NOVA1: variants seen among roughly 807,000 people sequenced by gnomAD.
The protein encoded by NOVA1 is NOVA alternative splicing regulator 1.
A neutral mutation model predicts 38.0 loss-of-function variants in NOVA1; 7 were observed. That is an observed-to-expected ratio of 0.18 (90% confidence interval 0.10 to 0.35). NOVA1 has a LOEUF of 0.35. Ranked by LOEUF, NOVA1 falls within the 10% of genes least tolerant of loss-of-function variation. The probability of loss-of-function intolerance (pLI) is 1.00; values close to 1 mark genes in which losing one functional copy is unlikely to be tolerated. For missense variants in NOVA1, 460 were observed against 616.0 expected, an observed-to-expected ratio of 0.75 and a Z score of 2.68; for synonymous variants, 270 against 232.5, an observed-to-expected ratio of 1.16 and a Z score of -1.47.
At chr14:26,593,054 T>C (rs1893958911) in intron 2 of NOVA1, 1 of 151,804 alleles carries the variant, frequency 6.6e-6, no homozygotes. Context: ...TTTGTTCCAG[T>C]AGATTATGAC....
At chr14:26,475,933 AG>A (rs1432957474) in intron 3 of NOVA1, among the ~76,000 whole-genome samples, 26 of 152,298 alleles carry the variant, frequency 1.7e-4, no homozygotes, top group African/African-American at 6.3e-4. Context: ...TAGACTGTCA[AG>A]AACCTCTGGT....
intron 3 of NOVA1, among the ~76,000 whole-genome samples, chr14:26,473,052 AATC>A (rs1282441622): frequency 2.6e-5 from 4 of 151,912 alleles, no homozygotes; most frequent in Non-Finnish European, 5.9e-5. Context: ...CATTCTAACA[AATC>A]ATCATAATAT....
chr14:26,482,380 A>G (rs548965691), intron 2 of NOVA1, among the ~76,000 whole-genome samples: 3 of 152,302 alleles, frequency 2.0e-5, no homozygotes, highest in Non-Finnish European at 4.4e-5. Flanking sequence ...ATATTCTTCT[A>G]CTGAACTTAT....
intron 2 of NOVA1, chr14:26,593,214 T>C (rs573238409): frequency 1.3e-5 from 2 of 151,934 alleles, no homozygotes; most frequent in Admixed American, 1.3e-4. Flanking sequence ...TCATCTGAGA[T>C]GTACAAGGTA....
chr14:26,549,848 G>A (rs1467714480), intron 2 of NOVA1: 5 of 696,912 alleles, frequency 7.2e-6, no homozygotes, highest in South Asian at 4.4e-5. Context: ...ATTCGGTGGT[G>A]GGTGAAGTGA....
At chr14:26,587,880 A>G (rs1366905496) in intron 2 of NOVA1, among the ~76,000 whole-genome samples, 1 of 151,104 alleles carries the variant, frequency 6.6e-6, no homozygotes, top group African/African-American at 2.4e-5. Flanking sequence ...CCTAGATTAG[A>G]TCTTAAAACA....
chr14:26,529,216 C>A (rs1367437946), intron 2 of NOVA1, among the ~76,000 whole-genome samples: 4 of 151,804 alleles, frequency 2.6e-5, no homozygotes, highest in African/African-American at 9.7e-5. Flanking sequence ...CGGCTCACAG[C>A]AACTTCCACC....
chr14:26,459,537 G>A (rs573768191), intron 4 of NOVA1, among the ~76,000 whole-genome samples: 2 of 152,170 alleles, frequency 1.3e-5, no homozygotes, highest in South Asian at 2.1e-4. Flanking sequence ...AAATATGCAT[G>A]ACTGTAAATA....
chr14:26,484,206 A>G (rs1334191528), intron 2 of NOVA1, among the ~76,000 whole-genome samples: 6 of 151,938 alleles, frequency 3.9e-5, no homozygotes, highest in Admixed American at 3.9e-4. Flanking sequence ...AGACCGAGGC[A>G]GGCGGATCAT....
At position 26,597,599 on chromosome 14, in the gene NOVA1, ATG is replaced by A. The variant is rs1165366268; in HGVS notation, c.-165_-164del. On this transcript the variant is annotated 5_prime_UTR_variant, in exon 1 of 5. Transcript: ENST00000539517. Reference sequence around the variant, plus strand: ...ATAAATCTCTTTAGGAAAAAAAGCAATGTTGCTGGTTTGTTCTCACTGGGGAG... The same window carrying A: ...ATAAATCTCTTTAGGAAAAAAAGCAATTGCTGGTTTGTTCTCACTGGGGAG... The A allele has an allele frequency of 6.8e-5, 82 of 1,214,208 alleles. No homozygotes were observed. In the African/African-American group the frequency reaches 1.2e-3, roughly 18 times the overall value. 75.2% of individuals were successfully genotyped at this position (1,214,208 alleles called of 1,614,324 possible). A position where few individuals can be genotyped will look rare whatever the true frequency, so the allele number is the denominator to read the frequency against.
At chr14:26,591,516 A>C (rs1384863946) in intron 2 of NOVA1, among the ~76,000 whole-genome samples, 1 of 151,874 alleles carries the variant, frequency 6.6e-6, no homozygotes, top group East Asian at 1.9e-4. Flanking sequence ...CTTTGCATCT[A>C]AGATCAAAGT....
intron 2 of NOVA1, among the ~76,000 whole-genome samples, chr14:26,577,861 G>C (rs1190570450): frequency 1.3e-5 from 2 of 152,078 alleles, no homozygotes; most frequent in African/African-American, 4.8e-5. Context: ...CATCAGTGTA[G>C]AGTTCAGATG....
intron 1 of NOVA1, chr14:26,596,679 C>T: frequency 7.8e-7 from 1 of 1,288,930 alleles, no homozygotes; most frequent in Non-Finnish European, 1.0e-6. Context: ...AGGATGTTAA[C>T]TAACAAGTCA....
intron 4 of NOVA1, among the ~76,000 whole-genome samples, chr14:26,458,561 C>A (rs12147551): frequency 0.03 from 4,611 of 152,002 alleles, 100 homozygotes; most frequent in Non-Finnish European, 0.046. Context: ...CAAATTAATG[C>A]AGAAACAGAA....
intron 2 of NOVA1, among the ~76,000 whole-genome samples, chr14:26,585,542 T>A (rs1383187223): frequency 6.6e-6 from 1 of 151,344 alleles, no homozygotes; most frequent in Non-Finnish European, 1.5e-5. Flanking sequence ...TGATGGTTAG[T>A]ACTCAAGAAA....
chr14:26,577,073 T>C (rs1892901703), intron 2 of NOVA1, among the ~76,000 whole-genome samples: 1 of 152,060 alleles, frequency 6.6e-6, no homozygotes, highest in African/African-American at 2.4e-5. Context: ...TACATTTTTC[T>C]AGATTCCACA....
At position 26,444,062 on chromosome 14, in the gene NOVA1, A is replaced by G. The variant is rs1881886415; in HGVS notation, c.*3897T>C. 1 of 152,136 alleles carries G rather than the reference A, an allele frequency of 6.6e-6. No individual in the cohort carries two copies. Among genetic ancestry groups the G allele is most frequent in the African/African-American group, 2.4e-5 (1 of 41,450 alleles). 9.4% of individuals were successfully genotyped at this position (152,136 alleles called of 1,614,324 possible). ...CTTAAGGACTCAGTGAGGAATCAGC[A>G]TATAAATCAAGACTGAAATATAAGA... On this transcript the variant is annotated 3_prime_UTR_variant, in exon 5 of 5. Transcript: ENST00000539517.
intron 2 of NOVA1, chr14:26,592,598 C>T (rs1182974758): frequency 3.3e-5 from 5 of 151,394 alleles, no homozygotes; most frequent in Non-Finnish European, 7.4e-5. Flanking sequence ...TTATTTAATA[C>T]ACGACATTGA....
At chr14:26,499,200 A>G (rs771621235) in intron 2 of NOVA1, among the ~76,000 whole-genome samples, 1 of 152,200 alleles carries the variant, frequency 6.6e-6, no homozygotes, top group South Asian at 2.1e-4. Flanking sequence ...ATGAGTAACT[A>G]TGAGAAATGA....
Sources: gnomAD v4.1 joint callset for allele counts (sites outside exome capture counted in the v4.1 genomes callset) on GRCh38, gnomAD v4.1.1 for gene constraint, MANE v1.5 for transcripts, NCBI Gene and HGNC (gene_info 2026-07-23, HGNC 2026-07-21) for gene names.